The following ZNF208 variants were observed in gnomAD, a reference collection of about 807,000 sequenced individuals.
The protein encoded by ZNF208 is zinc finger protein 95.
Under a neutral mutation model 12.1 loss-of-function variants are expected in ZNF208, and 10 were observed. The ratio of observed to expected loss-of-function variants is 0.83; its 90% CI spans 0.51 to 1.40. The LOEUF (loss-of-function observed/expected upper bound fraction) is 1.40. ZNF208 is among the 40% of genes most tolerant of loss of function. The pLI, the probability that ZNF208 is intolerant of heterozygous loss-of-function variation, is 0.00. For missense variants in ZNF208, 1,652 were observed against 1,485.0 expected (o/e 1.11, Z -1.85); for synonymous variants, 497 against 488.4 (o/e 1.02, Z -0.23).
Position 21,966,382 on chromosome 19 carries a change from T to C in ZNF208, c.*4809A>G, listed in dbSNP as rs1970167054. ...GCATTTGTTTTTCTGATGCAATAAT[T>C]TGCTTAGAATGGCCTGAAGCAGAGC... On this transcript the variant is annotated 3_prime_UTR_variant, in exon 4 of 4. Transcript: ENST00000397126. 6.6e-6 allele frequency: 1 copy of C among 152,110 alleles called. No individual in the cohort carries two copies. The highest frequency in any genetic ancestry group is 2.1e-4 in the South Asian group (1 of 4,826). The allele number at this position is 152,110 out of a possible 1,614,324, so 9.4% of individuals were successfully genotyped here.
chr19:21,991,970 C>T (rs1337719423), intron 1 of ZNF208, among the ~76,000 whole-genome samples: 1 of 151,842 alleles, frequency 6.6e-6, no homozygotes, highest in African/African-American at 2.4e-5. Flanking sequence ...AAGTTTTTGG[C>T]CCAAAAAGAC....
chr19:22,003,277 G>T (rs570724750), intron 1 of ZNF208, among the ~76,000 whole-genome samples: 2 of 152,066 alleles, frequency 1.3e-5, no homozygotes, highest in Non-Finnish European at 2.9e-5. Context: ...ATAGAAACTG[G>T]CAAAGATTTC....
intron 3 of ZNF208, among the ~76,000 whole-genome samples, chr19:21,977,270 A>G (rs1970448882): frequency 6.6e-6 from 1 of 152,224 alleles, no homozygotes; most frequent in South Asian, 2.1e-4. Context: ...TAAAAATCAA[A>G]ATAGAGGAGG....
At chr19:22,008,677 A>T (rs568743526) in intron 1 of ZNF208, among the ~76,000 whole-genome samples, 65 of 152,154 alleles carry the variant, frequency 4.3e-4, no homozygotes, top group African/African-American at 1.3e-3. Context: ...CTTCAATACC[A>T]GCATCTGATT....
intron 1 of ZNF208, among the ~76,000 whole-genome samples, chr19:21,991,064 G>C (rs1970724956): frequency 6.6e-6 from 1 of 152,186 alleles, no homozygotes; most frequent in African/African-American, 2.4e-5. Flanking sequence ...GGGACAATTT[G>C]ACTTCCTCTT....
chr19:22,001,915 AAAAAAAG>A, intron 1 of ZNF208, among the ~76,000 whole-genome samples: 1 of 144,864 alleles, frequency 6.9e-6, no homozygotes, highest in African/African-American at 2.6e-5. Context: ...AAAAAAAAAA[AAAAAAAG>A]AAAAAAGAAA....
chr19:22,000,634 A>G (rs2145581147), intron 1 of ZNF208, among the ~76,000 whole-genome samples: 1 of 152,306 alleles, frequency 6.6e-6, no homozygotes, highest in African/African-American at 2.4e-5. Flanking sequence ...ACAACCTGAC[A>G]TCATAAATAA....
intron 1 of ZNF208, among the ~76,000 whole-genome samples, chr19:21,990,223 A>C (rs79251747): frequency 0.78 from 118,496 of 151,910 alleles, 46,945 homozygotes; most frequent in African/African-American, 0.92. Flanking sequence ...TTAGGTCTAA[A>C]GTTTAAGTCT....
At chr19:22,004,424 A>C (rs1257663192) in intron 1 of ZNF208, among the ~76,000 whole-genome samples, 3 of 151,206 alleles carry the variant, frequency 2.0e-5, no homozygotes, top group Non-Finnish European at 4.4e-5. Context: ...GCTGTGGCAG[A>C]ATTGCTTGAA....
chr19:21,967,970 AT>A lies in ZNF208; in HGVS notation c.*3220del, dbSNP rs1186351924. ...ATATTTTACCCCCTTGATTTAATGT[AT>A]TTCTAGGTATTTTTTTGTGTGTTTG... On this transcript the variant is annotated 3_prime_UTR_variant, in exon 4 of 4. Coordinates refer to ENST00000397126, the MANE Select transcript of ZNF208 (RefSeq NM_007153.3). 1.3e-5 allele frequency: 2 copies of A among 151,864 alleles called. No individual in the cohort carries two copies. The highest frequency in any genetic ancestry group is 2.4e-5 in the African/African-American group (1 of 41,348). The allele number at this position is 151,864 out of a possible 1,614,324, so 9.4% of individuals were successfully genotyped here.
chr19:22,005,035 A>C (rs1971021248), intron 1 of ZNF208, among the ~76,000 whole-genome samples: 1 of 152,228 alleles, frequency 6.6e-6, no homozygotes. Flanking sequence ...TTCTGGGTCC[A>C]TGCAGGCAGA....
intron 1 of ZNF208, among the ~76,000 whole-genome samples, chr19:22,007,605 TATA>T (rs1241493997): frequency 6.6e-6 from 1 of 150,834 alleles, no homozygotes; most frequent in Non-Finnish European, 1.5e-5. Context: ...AAATAAAATA[TATA>T]ATTAGATATT....
In ZNF208 at chr19:21,972,073, G is replaced by A. The variant is rs1275453506; in HGVS notation, c.2961C>T (p.Ile987=). 2 of 1,613,494 alleles carry A rather than the reference G, an allele frequency of 1.2e-6. No individual in the cohort carries two copies. Among genetic ancestry groups the A allele is most frequent in the Non-Finnish European group, 1.7e-6 (2 of 1,179,888 alleles). Residue 987 remains isoleucine, a synonymous_variant, in exon 4 of 4, where the codon ATC becomes ATT. Coordinates refer to ENST00000397126, the MANE Select transcript of ZNF208 (RefSeq NM_007153.3). ...TATGAATTACCTTATGTTTAGTAAGGATTGAGAATGTACTAAAGCCTTTGC... is the reference window on the plus strand; with the variant it reads ...TATGAATTACCTTATGTTTAGTAAGAATTGAGAATGTACTAAAGCCTTTGC... ...ECGKGFSTFS[I]LTKHKVIHTG... is the part of the protein sequence containing the mutation.
rs1970379588 is a variant in ZNF208, at chr19:21,974,212, T to A, written c.822A>T (p.Lys274Asn). 1.2e-6 allele frequency: 2 copies of A among 1,602,514 alleles called. No individual in the cohort carries two copies. The highest frequency in any genetic ancestry group is 2.2e-5 in the South Asian group (2 of 90,772). ...TCTCTCCAGTATGAATTATCTTATG[T>A]TTAGTAAGGATTGCAGATTGGTTAA... The part of the protein sequence containing the change: ...KAFNQSAILT[K>N]HKIIHTGEKP... The change falls in exon 4 of 4, where the codon AAA (lysine) becomes AAT (asparagine). Residue 274 changes from lysine to asparagine, a missense_variant. Lys to Asn is a moderately conservative substitution (Grantham distance 94). Transcript: ENST00000397126.
downstream of ZNF208, among the ~76,000 whole-genome samples, chr19:21,964,274 A>C (rs1390417676): frequency 6.6e-6 from 1 of 151,854 alleles, no homozygotes; most frequent in Non-Finnish European, 1.5e-5. Flanking sequence ...TCATTTATAG[A>C]TGTAGGTAAG....
Position 21,969,597 on chromosome 19 carries a change from T to C in ZNF208, c.*1594A>G, listed in dbSNP as rs559238845. On this transcript the variant is annotated 3_prime_UTR_variant, in exon 4 of 4. Coordinates refer to ENST00000397126, the MANE Select transcript of ZNF208 (RefSeq NM_007153.3). ...ATAATCTGTAGTTTTTGAAAAAATG[T>C]TTTTCCAAATTTATTAAATTTGCAG... Among the ~76,000 whole-genome samples the C allele has an allele frequency of 6.6e-6, 1 of 152,270 alleles. No homozygotes were observed. The highest frequency in any genetic ancestry group is 1.9e-4 in the East Asian group (1 of 5,184).
chr19:21,943,025 G>A (rs764310273), intron 4 of ZNF208, among the ~76,000 whole-genome samples: 15 of 152,074 alleles, frequency 9.9e-5, no homozygotes, highest in Admixed American at 1.3e-4. Context: ...GTAGTAACTC[G>A]AAACGTAATA....
At position 21,972,930 on chromosome 19, in the gene ZNF208, A is replaced by T. The variant is rs773909613; in HGVS notation, c.2104T>A (p.Phe702Ile). 1 of 1,612,832 alleles carries T rather than the reference A, an allele frequency of 6.2e-7. No individual in the cohort carries two copies. Among genetic ancestry groups the T allele is most frequent in the African/African-American group, 1.3e-5 (1 of 74,886 alleles). The stretch of plus-strand genomic sequence containing the variant: ...TCCATAAGGTTTGAGGACCAGTTGA[A>T]AGCTTTGCCACATTCTTCACATTTG... ...PYKCEECGKAFNWSSNLMEHK... is the reference protein window; with the variant it reads ...PYKCEECGKAINWSSNLMEHK... Residue 702 changes from phenylalanine (F) to isoleucine (I), a missense_variant, in exon 4 of 4, where the codon TTC (phenylalanine) becomes ATC (isoleucine). By Grantham distance (21) the Phe-to-Ile change is conservative. Transcript: ENST00000397126.
In ZNF208 at chr19:21,995,986, C is replaced by A. The variant is rs144196972; in HGVS notation, c.4-7077G>T. ...AAAGTCTGGCCCTGCCTTGTAAATC[C>A]CAGCAGAGGCCAGGTCTTATTTGCA... On this transcript the variant is annotated intron_variant, in intron 1 of 3. Transcript: ENST00000397126. Among the ~76,000 whole-genome samples the A allele has an allele frequency of 3.0e-3, 462 of 152,286 alleles. 3 individuals carry two copies. Among genetic ancestry groups the A allele is most frequent in the African/African-American group, 0.011 (442 of 41,560 alleles).
Sources: gnomAD v4.1 joint callset for allele counts (sites outside exome capture counted in the v4.1 genomes callset) on GRCh38, gnomAD v4.1.1 for gene constraint, MANE v1.5 for transcripts, NCBI Gene and HGNC (gene_info 2026-07-23, HGNC 2026-07-21) for gene names.